LRFN5: variants seen among roughly 807,000 people sequenced by gnomAD.
LRFN5 encodes the protein leucine rich repeat and fibronectin type III domain containing 5, also known as leucine-rich repeat and fibronectin type-III domain-containing protein 5.
A neutral mutation model predicts 45.6 loss-of-function variants in LRFN5; 24 were observed. That is an observed-to-expected ratio of 0.53 (90% CI 0.38 to 0.74). The LOEUF (loss-of-function observed/expected upper bound fraction) is 0.74, where lower values mean the gene tolerates loss of function less well. Ranked by LOEUF, LRFN5 falls within the 30% of genes least tolerant of loss-of-function variation. LRFN5 has a pLI of 0.00. For missense variants in LRFN5, 776 were observed against 861.5 expected (o/e 0.90, Z 1.24); for synonymous variants, 340 against 313.8 (o/e 1.08, Z -0.88).
chr14:41,606,918 C>A lies in LRFN5; in HGVS notation c.-1841C>A, dbSNP rs185340046. On this transcript the variant is annotated 5_prime_UTR_variant, in exon 1 of 6. Coordinates refer to ENST00000298119, the MANE Select transcript of LRFN5 (RefSeq NM_152447.5). The stretch of plus-strand genomic sequence containing the variant: ...CATGCTGCAGCGCAGGGCTCAGTTC[C>A]ACGCGGCCAGGAGGCCGCCGTTGCC... Among the ~76,000 whole-genome samples, 369 of 152,072 alleles carry A rather than the reference C, an allele frequency of 2.4e-3. 1 individual carries two copies. The highest frequency in any genetic ancestry group is 8.5e-3 in the African/African-American group (352 of 41,546).
intron 1 of LRFN5, among the ~76,000 whole-genome samples, chr14:41,713,415 C>A (rs1883363887): frequency 6.6e-6 from 1 of 151,880 alleles, no homozygotes; most frequent in Non-Finnish European, 1.5e-5. Context: ...TAAAGTACAT[C>A]TAGTACAAAG....
At chr14:41,664,112 C>T (rs981123848) in intron 1 of LRFN5, among the ~76,000 whole-genome samples, 1 of 151,982 alleles carries the variant, frequency 6.6e-6, no homozygotes, top group Non-Finnish European at 1.5e-5. Context: ...CAAAATTAAA[C>T]TCTCCCTACA....
intron 2 of LRFN5, among the ~76,000 whole-genome samples, chr14:41,820,817 GT>G (rs1888088206): frequency 6.6e-6 from 1 of 151,582 alleles, no homozygotes; most frequent in African/African-American, 2.4e-5. Context: ...AGTTTTAATT[GT>G]ACAGATCTTC....
chr14:41,674,644 GT>G (rs1881497938), intron 1 of LRFN5, among the ~76,000 whole-genome samples: 1 of 149,264 alleles, frequency 6.7e-6, no homozygotes, highest in African/African-American at 2.5e-5. Flanking sequence ...GGTTGGCCAG[GT>G]GGGGGGCTGA....
intron 2 of LRFN5, among the ~76,000 whole-genome samples, chr14:41,866,309 A>G (rs1889838924): frequency 6.6e-6 from 1 of 152,172 alleles, no homozygotes; most frequent in Non-Finnish European, 1.5e-5. Flanking sequence ...ACACTAAAAA[A>G]GAGATCAGAG....
At chr14:41,682,019 T>A (rs191760975) in intron 1 of LRFN5, among the ~76,000 whole-genome samples, 586 of 151,830 alleles carry the variant, frequency 3.9e-3, no homozygotes, top group Non-Finnish European at 6.1e-3. Context: ...GGTTTCACCA[T>A]ATTGTCCGGG....
intron 1 of LRFN5, among the ~76,000 whole-genome samples, chr14:41,611,895 C>T (rs905109159): frequency 2.0e-5 from 3 of 152,066 alleles, no homozygotes; most frequent in Admixed American, 2.0e-4. Context: ...ATACCCCCAC[C>T]CTATTCCCTC....
At chr14:41,729,357 C>T (rs1357423842) in intron 1 of LRFN5, among the ~76,000 whole-genome samples, 1 of 152,094 alleles carries the variant, frequency 6.6e-6, no homozygotes, top group African/African-American at 2.4e-5. Flanking sequence ...ACTTCACCTT[C>T]CATCATGACT....
rs1890611276 is a variant in LRFN5, at chr14:41,887,369, G to C, written c.744G>C (p.Leu248Phe). The change falls in exon 3 of 6, where the codon TTG becomes TTC. Residue 248 changes from leucine (L) to phenylalanine (F), a missense_variant. Transcript: ENST00000298119. This position sits in a 1 kb window ranked among gnomAD's most constrained non-coding sequence, Gnocchi z 4.8. The part of the protein sequence containing the change: ...GGNPLHCNCE[L>F]LWLRRLSRED... ...ACCCCTTGCATTGCAATTGTGAATT[G>C]TTGTGGTTGAGGCGTCTGTCCAGAG... The C allele has an allele frequency of 1.2e-6, 2 of 1,614,186 alleles. No individual in the cohort carries two copies. Among genetic ancestry groups the C allele is most frequent in the Non-Finnish European group, 1.7e-6 (2 of 1,180,026 alleles).
chr14:41,891,174 A>T lies in LRFN5; in HGVS notation c.1386-76A>T, dbSNP rs190407126. On this transcript the variant is annotated intron_variant, in intron 3 of 5. Transcript: ENST00000298119. The stretch of plus-strand genomic sequence containing the variant: ...CTTAATGATACTGAAATGACACTGA[A>T]CTAAAGTCATAATGACTTTCTGTGT... 87 of 1,118,780 alleles carry T rather than the reference A, an allele frequency of 7.8e-5. No homozygotes were observed. In the African/African-American group the frequency reaches 1.2e-3, roughly 15 times the overall value. The allele number at this position is 1,118,780 out of a possible 1,614,324, so 69.3% of individuals were successfully genotyped here.
chr14:41,612,031 C>T (rs1289376709), intron 1 of LRFN5, among the ~76,000 whole-genome samples: 2 of 152,094 alleles, frequency 1.3e-5, no homozygotes, highest in Admixed American at 1.3e-4. Flanking sequence ...TTCATCTTTT[C>T]ATAAATGACC....
chr14:41,677,382 C>A (rs533881627), intron 1 of LRFN5, among the ~76,000 whole-genome samples: 1 of 152,212 alleles, frequency 6.6e-6, no homozygotes, highest in African/African-American at 2.4e-5. Context: ...CACACACATA[C>A]ACACACATCA....
In LRFN5 at chr14:41,772,846, C is replaced by G. The variant is rs148703717; in HGVS notation, c.-21+5817C>G. On this transcript the variant is annotated intron_variant, in intron 2 of 5. Coordinates refer to ENST00000298119, the MANE Select transcript of LRFN5 (RefSeq NM_152447.5). The stretch of plus-strand genomic sequence containing the variant: ...CCACAAAAACAATTCATCACCTAAT[C>G]TGGTCAGTTTTACCTACAAAGAAAA... 6.9e-3 allele frequency among the ~76,000 whole-genome samples: 1,050 copies of G among 152,296 alleles called. 3 individuals are homozygous for G. The highest frequency in any genetic ancestry group is 0.011 in the Non-Finnish European group (750 of 68,026).
intron 1 of LRFN5, among the ~76,000 whole-genome samples, chr14:41,750,380 G>C (rs1885082979): frequency 6.6e-6 from 1 of 150,774 alleles, no homozygotes; most frequent in South Asian, 2.1e-4. Flanking sequence ...TCTATAGTTT[G>C]TTGTTTTACC....
At chr14:41,708,910 G>A (rs1883174663) in intron 1 of LRFN5, among the ~76,000 whole-genome samples, 2 of 151,994 alleles carry the variant, frequency 1.3e-5, no homozygotes, top group South Asian at 4.1e-4. Context: ...GAGCTTTCAT[G>A]TATTGTGAGC....
chr14:41,843,692 G>A (rs988520745), intron 2 of LRFN5, among the ~76,000 whole-genome samples: 1 of 151,932 alleles, frequency 6.6e-6, no homozygotes, highest in Admixed American at 6.6e-5. Context: ...CTAATAAATT[G>A]TACTAATACT....
rs1306627455 is a variant in LRFN5 at position 41,840,571 on chromosome 14, TG to T, written c.-20-46034del. On this transcript the variant is annotated intron_variant, in intron 2 of 5. Coordinates refer to ENST00000298119, the MANE Select transcript of LRFN5 (RefSeq NM_152447.5). ...TGCAATTTAAAGTAGCCATTGACAA[TG>T]ATAAGAACTCTGGTGTACCTCTCCT... Among the ~76,000 whole-genome samples, 7 of 152,162 alleles carry T rather than the reference TG, an allele frequency of 4.6e-5. No homozygotes were observed. The East Asian group carries it at 9.6e-4, about 21-fold the overall frequency.
chr14:41,891,690 A>G lies in LRFN5; in HGVS notation c.1826A>G (p.Asn609Ser), dbSNP rs1307188260. The change falls in exon 4 of 6, where the codon AAT becomes AGT. Residue 609 changes from asparagine to serine, a missense_variant. Coordinates refer to ENST00000298119, the MANE Select transcript of LRFN5 (RefSeq NM_152447.5). ...NAQCCKATSD[N>S]VIQSSETCSS... ...CAGTGTTGTAAAGCTACCAGTGACA[A>G]TGTGATTCAATCTTCAGAAACTTGT... The G allele has an allele frequency of 4.3e-6, 7 of 1,614,208 alleles. No homozygotes were observed. In the South Asian group the frequency reaches 7.7e-5, roughly 18 times the overall value.
intron 2 of LRFN5, among the ~76,000 whole-genome samples, chr14:41,797,320 T>C (rs1887167850): frequency 6.6e-6 from 1 of 151,810 alleles, no homozygotes; most frequent in South Asian, 2.1e-4. Context: ...TTTTTCTCAG[T>C]ATTTAGACAG....
Sources: gnomAD v4.1 joint callset for allele counts (sites outside exome capture counted in the v4.1 genomes callset) on GRCh38, gnomAD v4.1.1 for gene constraint, Gnocchi (gnomAD v3.1) non-coding constraint, MANE v1.5 for transcripts, NCBI Gene and HGNC (gene_info 2026-07-23, HGNC 2026-07-21) for gene names.